The following ZDHHC14 variants were observed in gnomAD, a reference collection of about 807,000 sequenced individuals.
ZDHHC14 encodes zDHHC palmitoyltransferase 14, also known as palmitoyltransferase ZDHHC14.
In ZDHHC14, 16 loss-of-function variants were observed where a neutral mutation model predicts 47.7. The observed-to-expected ratio is 0.34, with a 90% CI of 0.23 to 0.51. ZDHHC14 has a LOEUF of 0.51. ZDHHC14 is among the 20% of genes least tolerant of loss of function. ZDHHC14 has a pLI of 0.97. For synonymous variants in ZDHHC14, 293 were observed against 278.9 expected, an observed-to-expected ratio of 1.05 and a Z score of -0.50; for missense variants, 515 against 662.5, an observed-to-expected ratio of 0.78 and a Z score of 2.44.
intron 1 of ZDHHC14, among the ~76,000 whole-genome samples, chr6:157,534,281 G>A (rs139577868): frequency 5.9e-5 from 9 of 152,276 alleles, no homozygotes; most frequent in East Asian, 1.9e-4. Flanking sequence ...TTGCCCTGAC[G>A]ATGCCTTACG....
At chr6:157,592,683 G>T in intron 2 of ZDHHC14, 1 of 1,062,174 alleles carries the variant, frequency 9.4e-7, no homozygotes, top group Non-Finnish European at 1.2e-6. Context: ...CCGCCTACAG[G>T]GAGGGGAGGG....
intron 3 of ZDHHC14, among the ~76,000 whole-genome samples, chr6:157,626,130 G>A (rs1785402949): frequency 6.6e-6 from 1 of 152,146 alleles, no homozygotes; most frequent in Non-Finnish European, 1.5e-5. Context: ...TGCTTCAGAT[G>A]GGGTGTACCT....
intron 3 of ZDHHC14, among the ~76,000 whole-genome samples, chr6:157,598,962 A>G (rs753571391): frequency 6.6e-6 from 1 of 152,232 alleles, no homozygotes; most frequent in African/African-American, 2.4e-5. Flanking sequence ...ATGTACAAAC[A>G]TACCTAATTG....
At chr6:157,589,047 G>T (rs536841319) in intron 2 of ZDHHC14, among the ~76,000 whole-genome samples, 2 of 152,116 alleles carry the variant, frequency 1.3e-5, no homozygotes, top group South Asian at 2.1e-4. Flanking sequence ...AAGAAAAGAG[G>T]TTTTATTGGC....
intron 1 of ZDHHC14, among the ~76,000 whole-genome samples, chr6:157,485,487 G>C (rs1779756049): frequency 6.6e-6 from 1 of 152,148 alleles, no homozygotes; most frequent in Non-Finnish European, 1.5e-5. Context: ...TTTTTCCCAT[G>C]TGTTTATGTG....
chr6:157,401,772 G>A (rs146215334), intron 1 of ZDHHC14, among the ~76,000 whole-genome samples: 619 of 150,862 alleles, frequency 4.1e-3, no homozygotes, highest in Non-Finnish European at 7.2e-3. Flanking sequence ...CACCTGCTGA[G>A]GTCTCAGCTG....
At chr6:157,651,972 G>C (rs1008039454) in intron 7 of ZDHHC14, among the ~76,000 whole-genome samples, 2 of 152,206 alleles carry the variant, frequency 1.3e-5, no homozygotes, top group Non-Finnish European at 2.9e-5. Context: ...ACCCGCGCTA[G>C]AGGGCAGAAC....
chr6:157,486,522 T>C (rs1250379328), intron 1 of ZDHHC14, among the ~76,000 whole-genome samples: 2 of 152,248 alleles, frequency 1.3e-5, no homozygotes, highest in African/African-American at 4.8e-5. Context: ...ATCATTTATA[T>C]AGATATTTCC....
chr6:157,653,137 C>T (rs1583077970), intron 7 of ZDHHC14, among the ~76,000 whole-genome samples: 3 of 152,280 alleles, frequency 2.0e-5, no homozygotes, highest in Admixed American at 2.0e-4. Context: ...CTAGCAGGTA[C>T]TCGAAACAAC....
intron 1 of ZDHHC14, among the ~76,000 whole-genome samples, chr6:157,484,279 G>GTA (rs763784075): frequency 2.7e-5 from 3 of 111,552 alleles, no homozygotes; most frequent in Non-Finnish European, 5.6e-5. Flanking sequence ...GTATATATAC[G>GTA]TATATATATA....
At chr6:157,466,622 G>T (rs1779224378) in intron 1 of ZDHHC14, among the ~76,000 whole-genome samples, 1 of 152,180 alleles carries the variant, frequency 6.6e-6, no homozygotes, top group South Asian at 2.1e-4. Flanking sequence ...CGGATCACCT[G>T]AGGCCAGGAG....
intron 1 of ZDHHC14, among the ~76,000 whole-genome samples, chr6:157,432,917 T>C (rs565366003): frequency 6.6e-6 from 1 of 152,356 alleles, no homozygotes; most frequent in South Asian, 2.1e-4. Context: ...TGGATCCAGA[T>C]GGTTGTTCCA....
At chr6:157,456,899 G>A (rs1402181903) in intron 1 of ZDHHC14, among the ~76,000 whole-genome samples, 1 of 152,038 alleles carries the variant, frequency 6.6e-6, no homozygotes. Context: ...TGTAATCCCA[G>A]CCCCTTCGGA....
At chr6:157,479,473 C>T (rs693279) in intron 1 of ZDHHC14, among the ~76,000 whole-genome samples, 36,227 of 152,076 alleles carry the variant, frequency 0.24, 4,699 homozygotes, top group East Asian at 0.43. Flanking sequence ...TGGTATGGCT[C>T]TCAGGCCCTG....
intron 2 of ZDHHC14, among the ~76,000 whole-genome samples, chr6:157,587,848 C>T (rs979705214): frequency 2.0e-5 from 3 of 152,204 alleles, no homozygotes; most frequent in Non-Finnish European, 4.4e-5. Context: ...AGGCTGGGCA[C>T]AGTGGCTCAT....
At position 157,650,727 on chromosome 6, in the gene ZDHHC14, T is replaced by A. The variant is rs959938577; in HGVS notation, c.966-2798T>A. On this transcript the variant is annotated intron_variant, in intron 7 of 8. Coordinates refer to ENST00000359775, the MANE Select transcript of ZDHHC14 (RefSeq NM_024630.3). ...TAGTGTCATTTCAGTGCATCAGAAC[T>A]GCCAAGTTTATTGACAGTTAACACT... 2.0e-5 allele frequency among the ~76,000 whole-genome samples: 3 copies of A among 152,052 alleles called. No individual in the cohort carries two copies. In the East Asian group the frequency reaches 5.8e-4, roughly 29 times the overall value.
At chr6:157,590,370 A>G (rs1254379491) in intron 2 of ZDHHC14, among the ~76,000 whole-genome samples, 1 of 152,208 alleles carries the variant, frequency 6.6e-6, no homozygotes, top group African/African-American at 2.4e-5. Context: ...TTCCTGGGTC[A>G]GGTCCAGGGC....
intron 5 of ZDHHC14, among the ~76,000 whole-genome samples, chr6:157,642,066 A>ATAGATAGATAGATAGATAGT (rs552956844): frequency 4.1e-5 from 6 of 147,714 alleles, no homozygotes; most frequent in South Asian, 2.2e-4. Flanking sequence ...AGATAGATAG[A>ATAGATAGATAGATAGATAGT]TAGTTATCAT....
At chr6:157,581,966 G>C (rs996530892) in intron 2 of ZDHHC14, among the ~76,000 whole-genome samples, 1 of 152,146 alleles carries the variant, frequency 6.6e-6, no homozygotes, top group Non-Finnish European at 1.5e-5. Flanking sequence ...CACAGTCTCA[G>C]TTCAGTGCAA....
Sources: allele counts gnomAD v4.1 joint callset (sites outside exome capture counted in the v4.1 genomes callset), GRCh38; gene constraint gnomAD v4.1.1; transcripts MANE v1.5; gene names NCBI Gene and HGNC (gene_info 2026-07-23, HGNC 2026-07-21).